The following UBE2E1 variants were observed in gnomAD, a reference collection of about 807,000 sequenced individuals.
UBE2E1 encodes the protein ubiquitin conjugating enzyme E2 E1, also known as ubiquitin-conjugating enzyme E2 E1.
A neutral mutation model predicts 21.4 loss-of-function variants in UBE2E1; 6 were observed. The observed-to-expected ratio is 0.28, with a 90% CI of 0.15 to 0.55. UBE2E1 has a LOEUF of 0.55. UBE2E1 is among the 20% of genes least tolerant of loss of function. UBE2E1 has a pLI of 0.93. For missense variants in UBE2E1, 142 were observed against 236.5 expected (o/e 0.60, Z 2.62); for synonymous variants, 87 against 82.7 (o/e 1.05, Z -0.28).
At chr3:23,867,478 A>G (rs1281462524) in intron 3 of UBE2E1, among the ~76,000 whole-genome samples, 1 of 152,224 alleles carries the variant, frequency 6.6e-6, no homozygotes, top group African/African-American at 2.4e-5. Context: ...CCCATTTCAA[A>G]TCTTCCATGT....
chr3:23,852,939 G>A (rs1306632551), intron 3 of UBE2E1, among the ~76,000 whole-genome samples: 3 of 149,400 alleles, frequency 2.0e-5, no homozygotes, highest in Non-Finnish European at 4.4e-5. Flanking sequence ...GTTTTGAGAT[G>A]GAGTTTCACT....
intron 3 of UBE2E1, among the ~76,000 whole-genome samples, chr3:23,821,628 T>C (rs1373067527): frequency 6.6e-6 from 1 of 152,118 alleles, no homozygotes; most frequent in South Asian, 2.1e-4. Flanking sequence ...CTGGGACCTG[T>C]TGTTGGATTG....
intron 3 of UBE2E1, among the ~76,000 whole-genome samples, chr3:23,815,275 C>T (rs1237015872): frequency 6.6e-6 from 1 of 152,240 alleles, no homozygotes; most frequent in South Asian, 2.1e-4. Flanking sequence ...AGCCATGGTG[C>T]CTGGCCCTGA....
At chr3:23,889,430 C>T in intron 5 of UBE2E1, 171 bp downstream of exon 5, 23 of 1,462,078 alleles carry the variant, frequency 1.6e-5, no homozygotes, top group Non-Finnish European at 2.1e-5. Context: ...AGTTGAGACA[C>T]ACAACTTCAT....
chr3:23,830,150 T>A (rs1699838394), intron 3 of UBE2E1, among the ~76,000 whole-genome samples: 1 of 152,228 alleles, frequency 6.6e-6, no homozygotes, highest in Non-Finnish European at 1.5e-5. Context: ...AATTCTTACA[T>A]GCATGTGCTT....
In UBE2E1 at chr3:23,887,596, A is replaced by C. The variant is rs779056941; in HGVS notation, c.233A>C (p.Glu78Ala). ...GGTCCCAAAGGCGATAACATCTATGAATGGAGATCAACCATTCTAGGGCCT... is the reference window on the plus strand; with the variant it reads ...GGTCCCAAAGGCGATAACATCTATGCATGGAGATCAACCATTCTAGGGCCT... ...SAGPKGDNIYEWRSTILGPPG... is the reference protein window; with the variant it reads ...SAGPKGDNIYAWRSTILGPPG... Residue 78 changes from glutamate (E) to alanine (A), a missense_variant, in exon 4 of 6, where the codon GAA becomes GCA. Around this residue, in one of 2 missense-constraint regions of UBE2E1, gnomAD observed 87 missense variants for 184.9 expected, o/e 0.47. Coordinates refer to ENST00000306627, the MANE Select transcript of UBE2E1 (RefSeq NM_003341.5). The surrounding 1 kb of genome is among the most constrained non-coding windows in gnomAD (Gnocchi z 4.4). 1 of 1,613,028 alleles carries C rather than the reference A, an allele frequency of 6.2e-7. No individual in the cohort carries two copies. The highest frequency in any genetic ancestry group is 8.5e-7 in the Non-Finnish European group (1 of 1,179,776).
intron 3 of UBE2E1, among the ~76,000 whole-genome samples, chr3:23,886,405 C>G (rs1386252351): frequency 6.6e-6 from 1 of 152,186 alleles, no homozygotes. Context: ...CTTTCTGCCT[C>G]TTGGCCAGTT....
At chr3:23,884,993 CTT>C (rs1701146760) in intron 3 of UBE2E1, among the ~76,000 whole-genome samples, 1 of 152,198 alleles carries the variant, frequency 6.6e-6, no homozygotes, top group Non-Finnish European at 1.5e-5. Context: ...TGTCTCTAGA[CTT>C]TCTTCAGTTT....
intron 2 of UBE2E1, among the ~76,000 whole-genome samples, chr3:23,809,276 C>T (rs1699337943): frequency 6.6e-6 from 1 of 152,064 alleles, no homozygotes; most frequent in African/African-American, 2.4e-5. Flanking sequence ...TGGAGAGGGA[C>T]AGTGTATCCA....
At chr3:23,883,823 A>G (rs4546101) in intron 3 of UBE2E1, among the ~76,000 whole-genome samples, 119,220 of 151,176 alleles carry the variant, frequency 0.79, 47,805 homozygotes, top group African/African-American at 0.91. Flanking sequence ...GGCTGAGGCA[A>G]GAGAATCGCT....
chr3:23,871,782 G>T (rs1159335075), intron 3 of UBE2E1, among the ~76,000 whole-genome samples: 1 of 151,802 alleles, frequency 6.6e-6, no homozygotes, highest in African/African-American at 2.4e-5. Flanking sequence ...ATGGGCGGCC[G>T]GGCAGAGACA....
chr3:23,839,163 G>A lies in UBE2E1; in HGVS notation c.203+27653G>A, dbSNP rs530825903. On this transcript the variant is annotated intron_variant, in intron 3 of 5. Transcript: ENST00000306627. ...TTTTGCTTTAAACATTATCTTTTAA[G>A]AGATTTAAAAAATAATTTAGCCGGG... Among the ~76,000 whole-genome samples the A allele has an allele frequency of 5.3e-5, 8 of 152,116 alleles. 1 individual carries two copies. The East Asian group carries it at 1.2e-3, about 22-fold the overall frequency.
chr3:23,846,635 G>A (rs567746075), intron 3 of UBE2E1, among the ~76,000 whole-genome samples: 1 of 145,952 alleles, frequency 6.9e-6, no homozygotes, highest in South Asian at 2.1e-4. Context: ...GGCGGAGGCT[G>A]CAGTGAGCTG....
At chr3:23,889,482 C>T in intron 5 of UBE2E1, 1 of 1,383,676 alleles carries the variant, frequency 7.2e-7, no homozygotes, top group Non-Finnish European at 9.3e-7. Flanking sequence ...AAACTGAAGA[C>T]TGACGTAAGT....
At position 23,806,122 on chromosome 3, in the gene UBE2E1, C is replaced by T. The variant is rs1575793063; in HGVS notation, c.-34+34C>T. On this transcript the variant is annotated intron_variant, in intron 1 of 5. Transcript: ENST00000306627. This position sits in a 1 kb window ranked among gnomAD's most constrained non-coding sequence, Gnocchi z 6.5. ...ATCCCCCCAGCGGCCCGCCGCCCCC[C>T]GGCCGCGCCGCCGGGCCTCGGGGAC... The T allele has an allele frequency of 6.7e-6, 1 of 148,390 alleles. No homozygotes were observed. Among genetic ancestry groups the T allele is most frequent in the African/African-American group, 2.4e-5 (1 of 40,894 alleles). 9.2% of individuals were successfully genotyped at this position (148,390 alleles called of 1,614,324 possible). A position where few individuals can be genotyped will look rare whatever the true frequency, so the allele number is the denominator to read the frequency against.
intron 3 of UBE2E1, among the ~76,000 whole-genome samples, chr3:23,833,329 A>G (rs1047248819): frequency 2.0e-5 from 3 of 152,228 alleles, no homozygotes; most frequent in Non-Finnish European, 2.9e-5. Flanking sequence ...TGATAGTCAT[A>G]TATTTAAAAT....
chr3:23,838,880 T>TC (rs1482423346), intron 3 of UBE2E1, among the ~76,000 whole-genome samples: 1 of 151,874 alleles, frequency 6.6e-6, no homozygotes, highest in Non-Finnish European at 1.5e-5. Context: ...GGTTGAGTTT[T>TC]TTTTTTTTTA....
At chr3:23,868,066 A>G (rs1340731947) in intron 3 of UBE2E1, among the ~76,000 whole-genome samples, 2 of 152,206 alleles carry the variant, frequency 1.3e-5, no homozygotes, top group Non-Finnish European at 2.9e-5. Context: ...TATTGAAAAC[A>G]TGTTTGGAAT....
chr3:23,867,068 C>CTT (rs949496869), intron 3 of UBE2E1, among the ~76,000 whole-genome samples: 4 of 144,442 alleles, frequency 2.8e-5, no homozygotes, highest in Non-Finnish European at 6.1e-5. Context: ...TTCTCCTCAT[C>CTT]TTTTTTTTTT....
Sources: allele counts gnomAD v4.1 joint callset (sites outside exome capture counted in the v4.1 genomes callset), GRCh38; gene constraint gnomAD v4.1.1; regional missense constraint gnomAD v4.1.1; non-coding constraint Gnocchi (gnomAD v3.1); transcripts MANE v1.5; gene names NCBI Gene and HGNC (gene_info 2026-07-23, HGNC 2026-07-21).